PDXK: variants seen among roughly 807,000 people sequenced by gnomAD.
PDXK encodes epididymis secretory sperm binding protein Li 1a.
In PDXK, 15 loss-of-function variants were observed where a neutral mutation model predicts 43.2. The ratio of observed to expected loss-of-function variants is 0.35; its 90% CI spans 0.23 to 0.53. PDXK has a LOEUF of 0.53. Ranked by LOEUF, PDXK falls within the 20% of genes least tolerant of loss-of-function variation. PDXK has a pLI of 0.92. For missense variants in PDXK, 343 were observed against 417.0 expected (o/e 0.82, Z 1.54); for synonymous variants, 172 against 165.4 (o/e 1.04, Z -0.31).
rs982068535 is a variant in PDXK at position 43,734,729 on chromosome 21, C to G, written c.142+606C>G. Among the ~76,000 whole-genome samples, 1 of 152,130 alleles carries G rather than the reference C, an allele frequency of 6.6e-6. No individual in the cohort carries two copies. Among genetic ancestry groups the G allele is most frequent in the South Asian group, 2.1e-4 (1 of 4,824 alleles). On this transcript the variant is annotated intron_variant, in intron 2 of 10. Coordinates refer to ENST00000291565, the MANE Select transcript of PDXK (RefSeq NM_003681.5). The surrounding 1 kb of genome is among the most constrained non-coding windows in gnomAD (Gnocchi z 5.0). ...GCCGGCCTCAGAAGCCCCTCACAGG[C>G]CATGCTTTCCATGCCCCCAGCCCCA...
Position 43,732,558 on chromosome 21 carries a change from C to G in PDXK, c.88-1511C>G, listed in dbSNP as rs1391931439. 2.1e-6 allele frequency: 2 copies of G among 951,964 alleles called. No homozygotes were observed. The highest frequency in any genetic ancestry group is 1.3e-5 in the South Asian group (1 of 78,040). 59.0% of individuals were successfully genotyped at this position (951,964 alleles called of 1,614,324 possible). On this transcript the variant is annotated intron_variant, in intron 1 of 10. Coordinates refer to ENST00000291565, the MANE Select transcript of PDXK (RefSeq NM_003681.5). This position sits in a 1 kb window ranked among gnomAD's most constrained non-coding sequence, Gnocchi z 4.1. ...TTGCCAGCCCCAAAGGATTAATTAT[C>G]TACACACCCAGAAGCAGTGGAGCAG...
rs1308934814 is a variant in PDXK at position 43,732,337 on chromosome 21, G to A, written c.88-1732G>A. The stretch of plus-strand genomic sequence containing the variant: ...CTTGGCACCCCGCCCCCCGTGCATT[G>A]TCGTCTTCTGAGTCTGGCTTTGTCT... On this transcript the variant is annotated intron_variant, in intron 1 of 10. Transcript: ENST00000291565. The surrounding 1 kb of genome is among the most constrained non-coding windows in gnomAD (Gnocchi z 4.1). 6.2e-7 allele frequency: 1 copy of A among 1,607,650 alleles called. No individual in the cohort carries two copies. Among genetic ancestry groups the A allele is most frequent in the Non-Finnish European group, 8.5e-7 (1 of 1,175,810 alleles).
In PDXK at chr21:43,749,002, C is replaced by A; in HGVS notation, c.386C>A (p.Pro129Gln). Residue 129 changes from proline to glutamine, a missense_variant, in exon 6 of 11, where the codon CCG (proline) becomes CAG (glutamine). By Grantham distance (76) the Pro-to-Gln change is moderately conservative. Transcript: ENST00000291565. ...KWDGEGSMYV[P>Q]EDLLPVYKEK... ...GTCTCCTTTGTTGGCCAGTACGTCC[C>A]GGAGGACCTCCTTCCCGTCTACAAA... is the stretch of plus-strand genomic sequence containing the variant. The A allele has an allele frequency of 6.2e-7, 1 of 1,608,026 alleles. No individual in the cohort carries two copies. Among genetic ancestry groups the A allele is most frequent in the Non-Finnish European group, 8.5e-7 (1 of 1,174,614 alleles).
intron 1 of PDXK, among the ~76,000 whole-genome samples, chr21:43,733,248 T>TCCCCCCCCCCCCCCCCCCCCCCCC (rs1399508385): frequency 5.7e-5 from 2 of 35,060 alleles, no homozygotes; most frequent in African/African-American, 2.3e-4. Flanking sequence ...CCCCTCCCCA[T>TCCCCCCCCCCCCCCCCCCCCCCCC]CCCCACCCCC....
At chr21:43,730,274 A>G (rs59339575) in intron 1 of PDXK, among the ~76,000 whole-genome samples, 3,543 of 152,112 alleles carry the variant, frequency 0.023, 110 homozygotes, top group African/African-American at 0.079. Flanking sequence ...TACAGGCACG[A>G]GCCACTACAC....
At chr21:43,750,336 C>T (rs1398179460) in intron 6 of PDXK, among the ~76,000 whole-genome samples, 164 bp from the exon 7 acceptor site, 1 of 152,250 alleles carries the variant, frequency 6.6e-6, no homozygotes, top group African/African-American at 2.4e-5. Context: ...AACCAAACCC[C>T]ACATGTTGCA....
intron 4 of PDXK, chr21:43,745,586 T>C (rs1245556741): frequency 6.1e-6 from 1 of 164,070 alleles, no homozygotes; most frequent in African/African-American, 2.4e-5. Context: ...TGAATGCTCC[T>C]GAATTGTACG....
intron 2 of PDXK, chr21:43,738,342 A>C (rs930761067): frequency 6.6e-6 from 1 of 152,260 alleles, no homozygotes; most frequent in African/African-American, 2.4e-5. Context: ...CCCTGGTGAC[A>C]CCTGGACCTT....
intron 1 of PDXK, among the ~76,000 whole-genome samples, chr21:43,722,670 C>T (rs1257129872): frequency 6.6e-6 from 1 of 152,054 alleles, no homozygotes; most frequent in African/African-American, 2.4e-5. Flanking sequence ...TCTCGGTGGC[C>T]CCAGGCTTCT....
At chr21:43,729,100 C>A in intron 1 of PDXK, 2 of 840,926 alleles carry the variant, frequency 2.4e-6, no homozygotes, top group Non-Finnish European at 2.8e-6. Context: ...TGCCCCCTGG[C>A]TGCGGCCTCC....
chr21:43,743,319 T>C (rs1388214666), intron 3 of PDXK, among the ~76,000 whole-genome samples: 1 of 34,720 alleles, frequency 2.9e-5, no homozygotes. Context: ...TCCCCCCAGC[T>C]CCCGAGCACT....
Position 43,734,092 on chromosome 21 carries a change from G to A in PDXK, c.111G>A (p.Ala37=), listed in dbSNP as rs766416226. The A allele has an allele frequency of 5.0e-6, 8 of 1,614,184 alleles. No homozygotes were observed. The highest frequency in any genetic ancestry group is 3.3e-5 in the Admixed American group (2 of 60,026). ...PLQVLGFEID[A]VNSVQFSNHT... Reference sequence around the variant, plus strand: ...AGGTTTTGGGATTTGAGATTGACGCGGTGAACTCTGTCCAGTTTTCAAACC... The same window carrying A: ...AGGTTTTGGGATTTGAGATTGACGCAGTGAACTCTGTCCAGTTTTCAAACC... The change falls in exon 2 of 11, where the codon GCG becomes GCA. Residue 37 remains alanine, a synonymous_variant. Coordinates refer to ENST00000291565, the MANE Select transcript of PDXK (RefSeq NM_003681.5). The surrounding 1 kb of genome is among the most constrained non-coding windows in gnomAD (Gnocchi z 5.0).
At chr21:43,745,972 G>A in intron 4 of PDXK, 107 bp from the exon 5 acceptor site, 2 of 898,876 alleles carry the variant, frequency 2.2e-6, no homozygotes, top group Non-Finnish European at 3.7e-6. Context: ...ACTCCAGCCT[G>A]GACAACAGAG....
In PDXK at chr21:43,750,508, G is replaced by A. The variant is rs2083716907; in HGVS notation, c.473G>A (p.Ser158Asn). The change falls in exon 7 of 11, where the codon AGT becomes AAT. Residue 158 changes from serine (S) to asparagine (N), a missense_variant. By Grantham distance (46) the Ser-to-Asn change is conservative. Transcript: ENST00000291565. ...CCCCGCCTGTCTTCCAGGTTACTGAGTGGCCGGAAGATCCACAGCCAGGAG... is the reference window on the plus strand; with the variant it reads ...CCCCGCCTGTCTTCCAGGTTACTGAATGGCCGGAAGATCCACAGCCAGGAG... ...TPNQFEAELLSGRKIHSQEEA... is the reference protein window; with the variant it reads ...TPNQFEAELLNGRKIHSQEEA... The A allele has an allele frequency of 1.2e-6, 2 of 1,612,734 alleles. No homozygotes were observed. Among genetic ancestry groups the A allele is most frequent in the Non-Finnish European group, 1.7e-6 (2 of 1,179,368 alleles).
chr21:43,743,797 G>C lies in PDXK; in HGVS notation c.321G>C (p.Arg107Ser). Reference sequence around the variant, plus strand: ...AGGAGCTGAAGCAGCAGAACCCCAGGCTGGTGTACGGTAGGCAGGGGCCCA... The same window carrying C: ...AGGAGCTGAAGCAGCAGAACCCCAGCCTGGTGTACGGTAGGCAGGGGCCCA... ...IVQELKQQNP[R>S]LVYVCDPVLG... is the part of the protein sequence containing the mutation. The change falls in exon 4 of 11, where the codon AGG (arginine) becomes AGC (serine). Residue 107 changes from arginine (R) to serine (S), a missense_variant. Arg to Ser is a moderately radical substitution (Grantham distance 110). Coordinates refer to ENST00000291565, the MANE Select transcript of PDXK (RefSeq NM_003681.5). 1.2e-6 allele frequency: 2 copies of C among 1,612,606 alleles called. No homozygotes were observed. Among genetic ancestry groups the C allele is most frequent in the Non-Finnish European group, 1.7e-6 (2 of 1,178,842 alleles).
intron 2 of PDXK, chr21:43,738,570 A>G (rs1601804707): frequency 6.6e-6 from 1 of 152,310 alleles, no homozygotes; most frequent in Non-Finnish European, 1.5e-5. Flanking sequence ...TCATGTTCGC[A>G]TGCTCAGGGC....
Position 43,719,207 on chromosome 21 carries a change from A to C in PDXK, c.-88A>C, listed in dbSNP as rs1048109015. ...CGCAGCCGAGGGGAGCCGGGGCCGG[A>C]GCCCGAGCCCGAGCCGAGCCGGAGC... On this transcript the variant is annotated 5_prime_UTR_variant, in exon 1 of 11. Transcript: ENST00000291565. The C allele has an allele frequency of 6.0e-4, 388 of 647,894 alleles. No homozygotes were observed. Among genetic ancestry groups the C allele is most frequent in the Admixed American group, 3.0e-3 (64 of 21,468 alleles). The allele number at this position is 647,894 out of a possible 1,614,324, so 40.1% of individuals were successfully genotyped here.
rs1005668358 is a variant in PDXK at position 43,735,475 on chromosome 21, C to T, written c.142+1352C>T. Among the ~76,000 whole-genome samples, 1 of 152,032 alleles carries T rather than the reference C, an allele frequency of 6.6e-6. No individual in the cohort carries two copies. Among genetic ancestry groups the T allele is most frequent in the South Asian group, 2.1e-4 (1 of 4,804 alleles). On this transcript the variant is annotated intron_variant, in intron 2 of 10. Transcript: ENST00000291565. The surrounding 1 kb of genome is among the most constrained non-coding windows in gnomAD (Gnocchi z 5.3). ...TCAGTGGGTGGTGGGCTGGCTGACC[C>T]GAGGGCCCAGAGATAGAAAAGGGGT...
At chr21:43,740,056 C>G (rs1230742924) in intron 2 of PDXK, among the ~76,000 whole-genome samples, 1 of 152,002 alleles carries the variant, frequency 6.6e-6, no homozygotes, top group Non-Finnish European at 1.5e-5. Flanking sequence ...GGGGCTTGGT[C>G]TCTGGCAGAC....
Sources: allele counts gnomAD v4.1 joint callset (sites outside exome capture counted in the v4.1 genomes callset), GRCh38; gene constraint gnomAD v4.1.1; non-coding constraint Gnocchi (gnomAD v3.1); transcripts MANE v1.5; gene names NCBI Gene and HGNC (gene_info 2026-07-23, HGNC 2026-07-21).